Variants in SPECC1L observed in about 807,000 individuals in gnomAD.
The protein encoded by SPECC1L is sperm antigen with calponin homology and coiled-coil domains 1 like, also known as cytospin-A.
Under a neutral mutation model 116.8 loss-of-function variants are expected in SPECC1L, and 40 were observed. The observed-to-expected ratio is 0.34, with a 90% CI of 0.27 to 0.45. The LOEUF (loss-of-function observed/expected upper bound fraction) is 0.45. Among genes scored for constraint, SPECC1L ranks in the 20% least tolerant of loss-of-function variants. The pLI is 1.00. For synonymous variants in SPECC1L, 504 were observed against 500.6 expected, an observed-to-expected ratio of 1.01 and a Z score of -0.09; for missense variants, 1,110 against 1,373.6, an observed-to-expected ratio of 0.81 and a Z score of 3.03.
At position 24,289,665 on chromosome 22, in the gene SPECC1L, C is replaced by T. The variant is rs1601501720; in HGVS notation, c.-37-12530C>T. ...GGAATACAGTTGTGCTGTTTAGTGGCCATTTGAGTTGGTATTACTGATAAC... is the reference window on the plus strand; with the variant it reads ...GGAATACAGTTGTGCTGTTTAGTGGTCATTTGAGTTGGTATTACTGATAAC... On this transcript the variant is annotated intron_variant, in intron 2 of 16. Coordinates refer to ENST00000314328, the MANE Select transcript of SPECC1L (RefSeq NM_015330.6). 4.0e-5 allele frequency among the ~76,000 whole-genome samples: 6 copies of T among 150,864 alleles called. No homozygotes were observed. In the South Asian group the frequency reaches 1.3e-3, roughly 32 times the overall value.
chr22:24,331,815 C>T (rs1488890264), intron 8 of SPECC1L, among the ~76,000 whole-genome samples: 1 of 152,176 alleles, frequency 6.6e-6, no homozygotes, highest in Non-Finnish European at 1.5e-5. Context: ...ATACTCTTCA[C>T]CACCACATAC....
intron 4 of SPECC1L, among the ~76,000 whole-genome samples, chr22:24,314,776 A>G (rs1449205692): frequency 6.6e-6 from 1 of 152,240 alleles, no homozygotes; most frequent in Admixed American, 6.5e-5. Flanking sequence ...TTTGAAAACA[A>G]AACAACCAAA....
Position 24,322,039 on chromosome 22 carries a change from C to T in SPECC1L, c.1059C>T (p.Tyr353=). Residue 353 remains tyrosine, a synonymous_variant, in exon 5 of 17, where the codon TAC becomes TAT. Coordinates refer to ENST00000314328, the MANE Select transcript of SPECC1L (RefSeq NM_015330.6). ...TAGACAGTGAGTGCAGTGAGGTCTA[C>T]CAGCCCCTCACATCGAGCGATGATG... The part of the protein sequence containing the change: ...DNLDSECSEV[Y]QPLTSSDDAL... The T allele has an allele frequency of 6.2e-7, 1 of 1,614,214 alleles. No homozygotes were observed. The highest frequency in any genetic ancestry group is 8.5e-7 in the Non-Finnish European group (1 of 1,180,040).
intron 14 of SPECC1L, among the ~76,000 whole-genome samples, chr22:24,395,235 C>T (rs1329355759): frequency 1.3e-5 from 2 of 152,166 alleles, no homozygotes; most frequent in African/African-American, 4.8e-5. Flanking sequence ...AAGATCACAA[C>T]GATTTTCTCC....
chr22:24,344,097 C>A (rs899656803), intron 10 of SPECC1L, among the ~76,000 whole-genome samples: 1 of 152,030 alleles, frequency 6.6e-6, no homozygotes, highest in African/African-American at 2.4e-5. Flanking sequence ...AAAGGACTTT[C>A]CAGTTCATTT....
chr22:24,349,559 T>G (rs2041378002), intron 11 of SPECC1L, among the ~76,000 whole-genome samples: 2 of 152,228 alleles, frequency 1.3e-5, no homozygotes, highest in Admixed American at 1.3e-4. Context: ...CTTCCCATTT[T>G]GATATTGAAT....
At chr22:24,292,821 T>C (rs1340909762) in intron 2 of SPECC1L, among the ~76,000 whole-genome samples, 1 of 152,228 alleles carries the variant, frequency 6.6e-6, no homozygotes, top group Non-Finnish European at 1.5e-5. Flanking sequence ...TGACTTAGAT[T>C]GAAGACAGCA....
At chr22:24,387,748 G>A (rs1432340086) in intron 14 of SPECC1L, among the ~76,000 whole-genome samples, 1 of 152,140 alleles carries the variant, frequency 6.6e-6, no homozygotes, top group Non-Finnish European at 1.5e-5. Flanking sequence ...TACAAATGTA[G>A]TAGCTAAAAC....
rs907198293 is a variant in SPECC1L, at chr22:24,270,940, A to C, written c.-185A>C. 1.1e-4 allele frequency: 16 copies of C among 152,346 alleles called. No individual in the cohort carries two copies. Among genetic ancestry groups the C allele is most frequent in the African/African-American group, 3.8e-4 (16 of 41,584 alleles). 9.4% of individuals were successfully genotyped at this position (152,346 alleles called of 1,614,324 possible). ...GAGCCACCGGGTGAGCTCACCGCCC[A>C]GCCCAAACCAGGAGATTGCGAGGGA... On this transcript the variant is annotated 5_prime_UTR_variant, in exon 1 of 17. Transcript: ENST00000314328.
At chr22:24,397,282 G>A (rs563683990) in intron 14 of SPECC1L, among the ~76,000 whole-genome samples, 2 of 152,274 alleles carry the variant, frequency 1.3e-5, no homozygotes, top group South Asian at 4.1e-4. Flanking sequence ...ATCGTAAGGT[G>A]AGCACACTAT....
intron 12 of SPECC1L, among the ~76,000 whole-genome samples, chr22:24,365,003 GT>G (rs2041724813): frequency 6.6e-6 from 1 of 151,918 alleles, no homozygotes; most frequent in Non-Finnish European, 1.5e-5. Context: ...CAGTTTTTTT[GT>G]TTGTTTGTTT....
intron 8 of SPECC1L, among the ~76,000 whole-genome samples, chr22:24,332,472 CTT>C (rs2040957663): frequency 6.6e-6 from 1 of 152,306 alleles, no homozygotes; most frequent in East Asian, 1.9e-4. Context: ...TTGGAGCTAA[CTT>C]TTAAGTTACT....
At chr22:24,356,265 AGTCTT>A (rs1270482625) in intron 11 of SPECC1L, among the ~76,000 whole-genome samples, 1 of 152,196 alleles carries the variant, frequency 6.6e-6, no homozygotes, top group African/African-American at 2.4e-5. Flanking sequence ...CTGAGAGAAT[AGTCTT>A]GAACTCTGAA....
intron 11 of SPECC1L, among the ~76,000 whole-genome samples, chr22:24,361,872 A>G (rs188551258): frequency 3.3e-5 from 5 of 152,110 alleles, no homozygotes; most frequent in African/African-American, 7.2e-5. Flanking sequence ...GAAGGAGGAG[A>G]AGGAGGAGGA....
At chr22:24,287,059 A>G (rs2049056838) in intron 2 of SPECC1L, among the ~76,000 whole-genome samples, 1 of 152,222 alleles carries the variant, frequency 6.6e-6, no homozygotes, top group African/African-American at 2.4e-5. Context: ...GGGCCAACCA[A>G]CTAGAGACAA....
intron 14 of SPECC1L, among the ~76,000 whole-genome samples, chr22:24,375,592 C>T (rs1171749684): frequency 6.6e-6 from 1 of 152,230 alleles, no homozygotes; most frequent in Non-Finnish European, 1.5e-5. Context: ...TAAAATCCAG[C>T]AGCCATTTAT....
intron 3 of SPECC1L, among the ~76,000 whole-genome samples, chr22:24,311,730 G>A (rs2040463705): frequency 6.6e-6 from 1 of 150,384 alleles, no homozygotes; most frequent in Admixed American, 6.6e-5. Context: ...ACTTGTACCC[G>A]GAAGGTGGAG....
At chr22:24,287,389 AT>A (rs2049062753) in intron 2 of SPECC1L, among the ~76,000 whole-genome samples, 2 of 152,016 alleles carry the variant, frequency 1.3e-5, no homozygotes. Context: ...GCACAGAAGG[AT>A]TGCTGGCAGG....
intron 8 of SPECC1L, among the ~76,000 whole-genome samples, chr22:24,334,017 T>G (rs552808764): frequency 4.7e-5 from 7 of 150,472 alleles, no homozygotes; most frequent in East Asian, 3.9e-4. Flanking sequence ...TTTTGTTGTT[T>G]TTTTTTTTTT....
Sources: gnomAD v4.1 joint callset for allele counts (sites outside exome capture counted in the v4.1 genomes callset) on GRCh38, gnomAD v4.1.1 for gene constraint, MANE v1.5 for transcripts, NCBI Gene and HGNC (gene_info 2026-07-23, HGNC 2026-07-21) for gene names.